TMEM163: variants seen among roughly 807,000 people sequenced by gnomAD.
TMEM163 encodes the protein transmembrane protein 163.
A neutral mutation model predicts 29.3 loss-of-function variants in TMEM163; 17 were observed. That is an observed-to-expected ratio of 0.58 (90% CI 0.40 to 0.87). The LOEUF is 0.87. Ranked by LOEUF, TMEM163 falls within the 40% of genes least tolerant of loss-of-function variation. The pLI is 0.00. For missense variants in TMEM163, 303 were observed against 381.5 expected, an observed-to-expected ratio of 0.79 and a Z score of 1.71; for synonymous variants, 157 against 160.6, an observed-to-expected ratio of 0.98 and a Z score of 0.17.
At chr2:134,600,378 A>C (rs180933227) in intron 2 of TMEM163, among the ~76,000 whole-genome samples, 94 of 152,332 alleles carry the variant, frequency 6.2e-4, no homozygotes, top group African/African-American at 2.1e-3. Context: ...AGGGAAGGGA[A>C]TCTAATACCT....
At chr2:134,636,464 C>T (rs1379377508) in intron 2 of TMEM163, among the ~76,000 whole-genome samples, 2 of 152,214 alleles carry the variant, frequency 1.3e-5, no homozygotes, top group African/African-American at 4.8e-5. Flanking sequence ...AAAATTATAA[C>T]TGAGACAGTG....
At chr2:134,689,949 G>A (rs1684426837) in intron 2 of TMEM163, among the ~76,000 whole-genome samples, 1 of 150,764 alleles carries the variant, frequency 6.6e-6, no homozygotes, top group Non-Finnish European at 1.5e-5. Context: ...TTTGTTTTTG[G>A]AGGCAGAGTC....
intron 2 of TMEM163, among the ~76,000 whole-genome samples, chr2:134,662,875 C>T (rs1416933637): frequency 6.6e-6 from 1 of 152,180 alleles, no homozygotes; most frequent in Admixed American, 6.5e-5. Context: ...GCTGACAAAA[C>T]CCTGTTTCTC....
intron 4 of TMEM163, among the ~76,000 whole-genome samples, chr2:134,543,866 C>G (rs183108519): frequency 6.2e-4 from 95 of 152,296 alleles, no homozygotes; most frequent in African/African-American, 2.1e-3. Flanking sequence ...CACTGTGGGG[C>G]CCTCCAATTC....
chr2:134,691,355 C>A (rs1030941475), intron 2 of TMEM163, among the ~76,000 whole-genome samples: 10 of 152,160 alleles, frequency 6.6e-5, no homozygotes, highest in African/African-American at 2.4e-4. Flanking sequence ...AGCGTAGGCA[C>A]CAAACATCAA....
chr2:134,674,889 G>A (rs1283939356), intron 2 of TMEM163, among the ~76,000 whole-genome samples: 1 of 152,138 alleles, frequency 6.6e-6, no homozygotes. Flanking sequence ...ATTGATCTTT[G>A]TAGCCAAAGC....
intron 2 of TMEM163, among the ~76,000 whole-genome samples, chr2:134,613,862 C>A (rs77444935): frequency 0.095 from 14,513 of 152,160 alleles, 796 homozygotes; most frequent in South Asian, 0.16. Flanking sequence ...AAACCACATT[C>A]TTGGTTTGGA....
At chr2:134,580,158 G>T (rs1558952192) in intron 2 of TMEM163, among the ~76,000 whole-genome samples, 2 of 152,264 alleles carry the variant, frequency 1.3e-5, no homozygotes, top group South Asian at 4.1e-4. Flanking sequence ...AAATTGAGAC[G>T]ATGTATTTTC....
intron 4 of TMEM163, among the ~76,000 whole-genome samples, chr2:134,525,507 G>A (rs71417516): frequency 6.6e-6 from 1 of 152,180 alleles, no homozygotes; most frequent in Admixed American, 6.5e-5. Flanking sequence ...AAAATCAATC[G>A]CTGGGGAGCA....
intron 2 of TMEM163, among the ~76,000 whole-genome samples, chr2:134,564,165 C>G (rs1681243389): frequency 6.6e-6 from 1 of 152,132 alleles, no homozygotes; most frequent in Non-Finnish European, 1.5e-5. Flanking sequence ...TTCAAAGCTA[C>G]AGTAAATAAA....
intron 2 of TMEM163, 106 bp from the exon 3 acceptor site, chr2:134,552,197 A>T: frequency 2.4e-6 from 2 of 834,500 alleles, no homozygotes; most frequent in Non-Finnish European, 3.7e-6. Flanking sequence ...AAGTTCCAAG[A>T]GAACAAAACC....
intron 5 of TMEM163, among the ~76,000 whole-genome samples, chr2:134,498,383 A>C (rs1319297333): frequency 1.7e-5 from 2 of 116,002 alleles, no homozygotes; most frequent in African/African-American, 3.4e-5. Flanking sequence ...TTTGAGACGG[A>C]GTCTTGCACT....
intron 2 of TMEM163, among the ~76,000 whole-genome samples, chr2:134,676,457 G>GAT (rs998578774): frequency 1.9e-4 from 29 of 152,096 alleles, no homozygotes; most frequent in South Asian, 4.2e-4. Flanking sequence ...AGTAGATATA[G>GAT]ATATATATAT....
intron 2 of TMEM163, among the ~76,000 whole-genome samples, chr2:134,671,941 A>C (rs1178491689): frequency 6.6e-6 from 1 of 152,182 alleles, no homozygotes; most frequent in African/African-American, 2.4e-5. Flanking sequence ...ATAAATGTAA[A>C]GTGCTCAGAG....
intron 6 of TMEM163, among the ~76,000 whole-genome samples, chr2:134,465,439 A>T (rs1013178354): frequency 6.6e-6 from 1 of 152,196 alleles, no homozygotes; most frequent in African/African-American, 2.4e-5. Context: ...CCCAGGAATA[A>T]ATCAAAGCAA....
rs1410300775 is a variant in TMEM163, at chr2:134,456,625, A to G, written c.*91T>C. The G allele has an allele frequency of 2.0e-6, 3 of 1,488,206 alleles. No homozygotes were observed. Among genetic ancestry groups the G allele is most frequent in the Admixed American group, 1.8e-5 (1 of 54,496 alleles). The allele number at this position is 1,488,206 out of a possible 1,614,324, so 92.2% of individuals were successfully genotyped here. Reference sequence around the variant, plus strand: ...CAAACCATGTGAAAGAAAACTTCCAAAAAGAAACCAGATGTTCAGTTAAAT... The same window carrying G: ...CAAACCATGTGAAAGAAAACTTCCAGAAAGAAACCAGATGTTCAGTTAAAT... On this transcript the variant is annotated 3_prime_UTR_variant, in exon 8 of 8. Coordinates refer to ENST00000281924, the MANE Select transcript of TMEM163 (RefSeq NM_030923.5).
At chr2:134,705,763 C>T (rs1173921002) in intron 2 of TMEM163, among the ~76,000 whole-genome samples, 1 of 152,162 alleles carries the variant, frequency 6.6e-6, no homozygotes, top group African/African-American at 2.4e-5. Context: ...ATCCACAGAC[C>T]AGAAAACCCC....
intron 2 of TMEM163, among the ~76,000 whole-genome samples, chr2:134,585,813 C>T (rs1455956602): frequency 6.6e-6 from 1 of 151,610 alleles, no homozygotes; most frequent in Non-Finnish European, 1.5e-5. Flanking sequence ...CTGTTATTAT[C>T]AATATTTCTT....
intron 2 of TMEM163, among the ~76,000 whole-genome samples, chr2:134,599,602 C>CT (rs1682177466): frequency 6.6e-6 from 1 of 151,782 alleles, no homozygotes; most frequent in Non-Finnish European, 1.5e-5. Context: ...GCCACCCAGT[C>CT]TATGGTAATG....
Sources: allele counts gnomAD v4.1 joint callset (sites outside exome capture counted in the v4.1 genomes callset), GRCh38; gene constraint gnomAD v4.1.1; transcripts MANE v1.5; gene names NCBI Gene and HGNC (gene_info 2026-07-23, HGNC 2026-07-21).